The following DNAH10 variants were observed in gnomAD, a reference collection of about 807,000 sequenced individuals.
DNAH10 encodes the protein axonemal beta dynein heavy chain 10.
In DNAH10, 348 loss-of-function variants were observed where a neutral mutation model predicts 506.6. The observed-to-expected ratio is 0.69, with a 90% CI of 0.63 to 0.75. DNAH10 has a LOEUF of 0.75. Among genes scored for constraint, DNAH10 ranks in the 30% least tolerant of loss-of-function variants. DNAH10 has a pLI of 0.00. For synonymous variants in DNAH10, 2,059 were observed against 2,198.6 expected (o/e 0.94, Z 1.78); for missense variants, 5,179 against 5,787.1 (o/e 0.89, Z 3.41).
chr12:123,871,738 C>T lies in DNAH10; in HGVS notation c.7785+136C>T. 6.7e-6 allele frequency: 7 copies of T among 1,049,024 alleles called. No individual in the cohort carries two copies. The Admixed American group carries it at 1.4e-4, about 21-fold the overall frequency. 65.0% of individuals were successfully genotyped at this position (1,049,024 alleles called of 1,614,324 possible). On this transcript the variant is annotated intron_variant, in intron 45 of 78. Coordinates refer to ENST00000673944, the MANE Select transcript of DNAH10 (RefSeq NM_001372106.1). ...GTGGGAGTGACTTACCTGGGAGCTT[C>T]TAGCTCAGGCTCTCATGGGATTGCA...
At position 123,784,033 on chromosome 12, in the gene DNAH10, A is replaced by G; in HGVS notation, c.1086A>G (p.Ile362Met). 2 of 1,614,258 alleles carry G rather than the reference A, an allele frequency of 1.2e-6. No individual in the cohort carries two copies. Among genetic ancestry groups the G allele is most frequent in the Non-Finnish European group, 1.7e-6 (2 of 1,180,046 alleles). ...SALHEQTKLP[I>M]VRKVLDVIKE... is the part of the protein sequence containing the mutation. ...TGCATGAACAAACAAAGCTTCCAAT[A>G]GTCAGAAAAGTCTTGGATGTGATCA... Residue 362 changes from isoleucine (I) to methionine (M), a missense_variant, in exon 8 of 79, where the codon ATA (isoleucine) becomes ATG (methionine). Around this residue, in one of 3 missense-constraint regions of DNAH10, gnomAD observed 4,844 missense variants for 5,430.5 expected, o/e 0.89. Transcript: ENST00000673944.
chr12:123,930,641 G>C, intron 73 of DNAH10, 68 bp downstream of exon 73: 3 of 1,549,258 alleles, frequency 1.9e-6, no homozygotes, highest in Non-Finnish European at 2.6e-6. Flanking sequence ...CATTTCAACC[G>C]GCTCCTCTCC....
chr12:123,833,263 C>G lies in DNAH10; in HGVS notation c.4695C>G (p.Ile1565Met). The change falls in exon 27 of 79, where the codon ATC becomes ATG. Residue 1565 changes from isoleucine (I) to methionine (M), a missense_variant. Around this residue, in one of 3 missense-constraint regions of DNAH10, gnomAD observed 4,844 missense variants for 5,430.5 expected, o/e 0.89. Transcript: ENST00000673944. ...LDDNTFNLQS[I>M]SGSRFVGPFL... ...ACAACACTTTCAACCTGCAGAGCAT[C>G]TCAGGAAGCAGATTTGTGGGGCCTT... 4 of 1,613,876 alleles carry G rather than the reference C, an allele frequency of 2.5e-6. No homozygotes were observed. In the African/African-American group the frequency reaches 5.3e-5, roughly 22 times the overall value.
Position 123,918,760 on chromosome 12 carries a change from G to A in DNAH10, c.11317G>A (p.Gly3773Arg). ...TGGCTACCGGCCAGCAGCCAGGAGG[G>A]GGGCCATCCTGTTCTTCGTCCTGTC... Reference protein sequence around the residue: ...RDGYRPAARRGAILFFVLSEM... With the variant: ...RDGYRPAARRRAILFFVLSEM... Residue 3773 changes from glycine to arginine, a missense_variant, in exon 65 of 79, where the codon GGG (glycine) becomes AGG (arginine). This residue lies in a region of DNAH10 where 4,844 missense variants were observed against 5,430.5 expected (regional missense o/e 0.89). Coordinates refer to ENST00000673944, the MANE Select transcript of DNAH10 (RefSeq NM_001372106.1). The A allele has an allele frequency of 6.2e-7, 1 of 1,609,370 alleles. No homozygotes were observed. Among genetic ancestry groups the A allele is most frequent in the South Asian group, 1.1e-5 (1 of 90,810 alleles).
rs1233266409 is a variant in DNAH10 at position 123,845,585 on chromosome 12, G to A, written c.5361-15G>A. 1.9e-6 allele frequency: 3 copies of A among 1,611,278 alleles called. No individual in the cohort carries two copies. The highest frequency in any genetic ancestry group is 1.7e-5 in the Admixed American group (1 of 59,990). Reference sequence around the variant, plus strand: ...GGATTGATCAGAGCCTCTTACAGGTGTGCGTTTTCTGCAGAGTCGACTGGA... The same window carrying A: ...GGATTGATCAGAGCCTCTTACAGGTATGCGTTTTCTGCAGAGTCGACTGGA... On this transcript the variant is annotated splice_polypyrimidine_tract_variant and intron_variant, in intron 30 of 78. Coordinates refer to ENST00000673944, the MANE Select transcript of DNAH10 (RefSeq NM_001372106.1).
Position 123,785,875 on chromosome 12 carries a change from C to A in DNAH10, c.1360C>A (p.Arg454Ser), listed in dbSNP as rs944806735. 8.1e-6 allele frequency: 13 copies of A among 1,614,012 alleles called. No homozygotes were observed. The highest frequency in any genetic ancestry group is 9.3e-6 in the Non-Finnish European group (11 of 1,179,998). ...KDERMIPLMERIAWEIAERVC... is the reference protein window; with the variant it reads ...KDERMIPLMESIAWEIAERVC... ...CGAGAGGATGATTCCGCTCATGGAG[C>A]GCATCGCCTGGGAAATCGCTGAGAG... Residue 454 changes from arginine to serine, a missense_variant, in exon 9 of 79, where the codon CGC becomes AGC. By Grantham distance (110) the Arg-to-Ser change is moderately radical. Transcript: ENST00000673944. The surrounding 1 kb of genome is among the most constrained non-coding windows in gnomAD (Gnocchi z 4.1).
At chr12:123,806,757 T>A (rs1958688736) in intron 18 of DNAH10, among the ~76,000 whole-genome samples, 1 of 151,796 alleles carries the variant, frequency 6.6e-6, no homozygotes, top group Admixed American at 6.6e-5. Flanking sequence ...TTTCCCTTAC[T>A]AATATGCTAT....
chr12:123,898,723 C>T lies in DNAH10; in HGVS notation c.9549C>T (p.Asn3183=), dbSNP rs761758105. The T allele has an allele frequency of 6.2e-7, 1 of 1,608,210 alleles. No homozygotes were observed. The highest frequency in any genetic ancestry group is 1.7e-5 in the Admixed American group (1 of 59,266). ...KEATIQLDEL[N]QKLAEQKIVL... ...CCACCATCCAGCTGGACGAGCTGAA[C>T]CAGAAGCTGGCCGAGCAGAAGATCG... Residue 3183 remains asparagine (N), a synonymous_variant, in exon 56 of 79, where the codon AAC becomes AAT. Transcript: ENST00000673944.
rs1955164284 is a variant in DNAH10, at chr12:123,930,696, T to G, written c.12784+123T>G. ...GGTCAGGTGTGGTCTGTTAAGCCTG[T>G]TAGGTGGCTCGGCAGACGCTTCCTG... On this transcript the variant is annotated intron_variant, in intron 73 of 78. Transcript: ENST00000673944. 5 of 1,062,414 alleles carry G rather than the reference T, an allele frequency of 4.7e-6. No individual in the cohort carries two copies. The East Asian group carries it at 1.5e-4, about 31-fold the overall frequency. 65.8% of individuals were successfully genotyped at this position (1,062,414 alleles called of 1,614,324 possible). A position where few individuals can be genotyped will look rare whatever the true frequency, so the allele number is the denominator to read the frequency against.
intron 19 of DNAH10, among the ~76,000 whole-genome samples, chr12:123,810,025 T>C (rs899839372): frequency 1.3e-5 from 2 of 152,214 alleles, no homozygotes; most frequent in East Asian, 3.9e-4. Flanking sequence ...TTTCTTATTT[T>C]TTTCCTTGCT....
At chr12:123,819,709 T>TG (rs1329539786) in intron 23 of DNAH10, among the ~76,000 whole-genome samples, 1 of 146,430 alleles carries the variant, frequency 6.8e-6, no homozygotes, top group Non-Finnish European at 1.5e-5. Context: ...TGTTTTTTTT[T>TG]TTTTTTTTTT....
Position 123,859,275 on chromosome 12 carries a change from A to G in DNAH10, c.6749+7A>G, listed in dbSNP as rs1326483090. 11 of 1,588,448 alleles carry G rather than the reference A, an allele frequency of 6.9e-6. No homozygotes were observed. Among genetic ancestry groups the G allele is most frequent in the African/African-American group, 1.4e-5 (1 of 73,864 alleles). On this transcript the variant is annotated splice_region_variant and intron_variant, in intron 38 of 78. Coordinates refer to ENST00000673944, the MANE Select transcript of DNAH10 (RefSeq NM_001372106.1). Reference sequence around the variant, plus strand: ...TGTGTCAGGCCCAGACCAAGTGAGTATGACCTCCGTAGGGAGGGCCTGGCT... The same window carrying G: ...TGTGTCAGGCCCAGACCAAGTGAGTGTGACCTCCGTAGGGAGGGCCTGGCT...
rs925039294 is a variant in DNAH10, at chr12:123,913,573, C to T, written c.10352+258C>T. Among the ~76,000 whole-genome samples the T allele has an allele frequency of 6.6e-6, 1 of 152,154 alleles. No individual in the cohort carries two copies. The highest frequency in any genetic ancestry group is 1.5e-5 in the Non-Finnish European group (1 of 68,038). On this transcript the variant is annotated intron_variant, in intron 60 of 78. Transcript: ENST00000673944. The surrounding 1 kb of genome is among the most constrained non-coding windows in gnomAD (Gnocchi z 5.1). ...AGCTGTGGAGACGGGGGAATCCATA[C>T]CATTTAGCAGGGTGCTCTAGGTTTG...
chr12:123,914,875 C>A lies in DNAH10; in HGVS notation c.10598C>A (p.Pro3533His), dbSNP rs959963934. Residue 3533 changes from proline to histidine, a missense_variant, in exon 62 of 79, where the codon CCC becomes CAC. Pro to His is a moderately conservative substitution (Grantham distance 77). Transcript: ENST00000673944. Reference sequence around the variant, plus strand: ...AGATGGGGATCCCAGGGCCTTCCCCCCGATGAGCTCTCCGTTCAGAATGGC... The same window carrying A: ...AGATGGGGATCCCAGGGCCTTCCCCACGATGAGCTCTCCGTTCAGAATGGC... ...ISRWGSQGLP[P>H]DELSVQNGIL... 3.7e-6 allele frequency: 6 copies of A among 1,613,662 alleles called. No individual in the cohort carries two copies. Among genetic ancestry groups the A allele is most frequent in the South Asian group, 1.1e-5 (1 of 91,032 alleles).
chr12:123,881,405 T>C (rs1952499888), intron 50 of DNAH10, among the ~76,000 whole-genome samples: 1 of 152,244 alleles, frequency 6.6e-6, no homozygotes, highest in African/African-American at 2.4e-5. Flanking sequence ...TGGCCAGTGA[T>C]GATGAGCATT....
rs200741455 is a variant in DNAH10 at position 123,797,401 on chromosome 12, T to C, written c.2163+569T>C. Among the ~76,000 whole-genome samples, 3 of 137,094 alleles carry C rather than the reference T, an allele frequency of 2.2e-5. 1 individual carries two copies. The highest frequency in any genetic ancestry group is 5.8e-4 in the South Asian group (2 of 3,464). The allele number at this position is 137,094 out of a possible 152,430, so 89.9% of individuals were successfully genotyped here. A position where few individuals can be genotyped will look rare whatever the true frequency, so the allele number is the denominator to read the frequency against. On this transcript the variant is annotated intron_variant, in intron 13 of 78. Transcript: ENST00000673944. ...CTTCTTTTTCTTTTCTTTTTCTTTT[T>C]TTTTTTTTTAAGACAAGGTCTTGCT...
intron 18 of DNAH10, 36 bp downstream of exon 18, chr12:123,805,076 G>A (rs1958613435): frequency 1.9e-6 from 3 of 1,604,824 alleles, no homozygotes; most frequent in African/African-American, 2.7e-5. Context: ...AAAATGGTGT[G>A]TGTAGATTAA....
chr12:123,898,454 A>G (rs1006219043), intron 55 of DNAH10, among the ~76,000 whole-genome samples, 199 bp from the exon 56 acceptor site: 13 of 152,266 alleles, frequency 8.5e-5, no homozygotes, highest in Non-Finnish European at 1.5e-4. Context: ...CTGTTGGCCA[A>G]GGGAAGCACT....
chr12:123,771,757 GA>G (rs1957262524), intron 3 of DNAH10, 59 bp downstream of exon 3: 2 of 1,398,352 alleles, frequency 1.4e-6, no homozygotes, highest in Non-Finnish European at 2.0e-6. Flanking sequence ...TGCCCTCTAG[GA>G]TTCAGGGTAA....
Sources: allele counts gnomAD v4.1 joint callset (sites outside exome capture counted in the v4.1 genomes callset), GRCh38; gene constraint gnomAD v4.1.1; regional missense constraint gnomAD v4.1.1; non-coding constraint Gnocchi (gnomAD v3.1); transcripts MANE v1.5; gene names NCBI Gene and HGNC (gene_info 2026-07-23, HGNC 2026-07-21).